OBI1: variants seen among roughly 807,000 people sequenced by gnomAD.
OBI1 encodes the protein ORC ubiquitin ligase 1.
Under a neutral mutation model 62.4 loss-of-function variants are expected in OBI1, and 59 were observed. The observed-to-expected ratio is 0.95, with a 90% CI of 0.77 to 1.17. OBI1 has a LOEUF of 1.17. Among genes scored for constraint, OBI1 ranks in the 50% most tolerant of loss-of-function variants. The pLI is 0.00. For synonymous variants in OBI1, 302 were observed against 292.8 expected (o/e 1.03, Z -0.32); for missense variants, 875 against 830.9 (o/e 1.05, Z -0.65).
At chr13:78,634,238 T>C (rs1044478951) in intron 5 of OBI1, among the ~76,000 whole-genome samples, 1 of 152,110 alleles carries the variant, frequency 6.6e-6, no homozygotes, top group Non-Finnish European at 1.5e-5. Flanking sequence ...GGCTTTTTTT[T>C]AGTGTAATGG....
At chr13:78,650,552 T>C (rs1426335293) in intron 1 of OBI1, among the ~76,000 whole-genome samples, 1 of 152,180 alleles carries the variant, frequency 6.6e-6, no homozygotes, top group Non-Finnish European at 1.5e-5. Flanking sequence ...GAGCTTAGGC[T>C]CTGACAGACA....
At chr13:78,644,778 G>A (rs1876331738) in intron 2 of OBI1, 84 bp downstream of exon 2, 2 of 1,422,482 alleles carry the variant, frequency 1.4e-6, no homozygotes, top group South Asian at 2.3e-5. Flanking sequence ...ACTGAAAATA[G>A]CCTATTTCAG....
chr13:78,620,156 C>T (rs1875461796), intron 5 of OBI1, among the ~76,000 whole-genome samples: 1 of 152,090 alleles, frequency 6.6e-6, no homozygotes, highest in Admixed American at 6.5e-5. Context: ...TCCAAGATAA[C>T]TATATTAAAT....
chr13:78,641,524 ATTCT>A (rs1876215627), intron 3 of OBI1, among the ~76,000 whole-genome samples: 5 of 152,208 alleles, frequency 3.3e-5, no homozygotes, highest in African/African-American at 1.2e-4. Context: ...AAGTGTATGT[ATTCT>A]ATTAGCATGA....
At chr13:78,618,191 A>C (rs1429086574) in intron 5 of OBI1, among the ~76,000 whole-genome samples, 1 of 152,108 alleles carries the variant, frequency 6.6e-6, no homozygotes, top group African/African-American at 2.4e-5. Context: ...TCTCCTCCAA[A>C]ATTCTTTTCA....
chr13:78,629,677 A>G (rs544498728), intron 5 of OBI1, among the ~76,000 whole-genome samples: 1 of 152,248 alleles, frequency 6.6e-6, no homozygotes, highest in East Asian at 1.9e-4. Context: ...ATTTAGGAAT[A>G]TGAGAAATCC....
intron 1 of OBI1, among the ~76,000 whole-genome samples, chr13:78,649,626 G>C (rs1876490220): frequency 6.6e-6 from 1 of 152,204 alleles, no homozygotes; most frequent in African/African-American, 2.4e-5. Context: ...CGACGGTTAG[G>C]AATACCAATG....
At chr13:78,622,752 G>A (rs1203024660) in intron 5 of OBI1, among the ~76,000 whole-genome samples, 1 of 152,116 alleles carries the variant, frequency 6.6e-6, no homozygotes, top group Non-Finnish European at 1.5e-5. Context: ...CTTAACAGGA[G>A]CTCTATAGAA....
At chr13:78,641,797 C>T (rs567525823) in intron 3 of OBI1, among the ~76,000 whole-genome samples, 1 of 133,920 alleles carries the variant, frequency 7.5e-6, no homozygotes, top group African/African-American at 2.8e-5. Flanking sequence ...GAAGCAAATA[C>T]AAAATGATAT....
chr13:78,632,547 C>T (rs996821618), intron 5 of OBI1, among the ~76,000 whole-genome samples: 8 of 151,982 alleles, frequency 5.3e-5, no homozygotes, highest in Non-Finnish European at 7.4e-5. Flanking sequence ...CTAACCAAGC[C>T]GAAAAGAGAA....
intron 1 of OBI1, among the ~76,000 whole-genome samples, chr13:78,648,751 T>C (rs1225249348): frequency 6.6e-6 from 1 of 151,976 alleles, no homozygotes; most frequent in Non-Finnish European, 1.5e-5. Flanking sequence ...CCATCTCTAC[T>C]AAAAATACAA....
In OBI1 at chr13:78,615,767, T is replaced by C. The variant is rs758938602; in HGVS notation, c.1994A>G (p.Asp665Gly). The C allele has an allele frequency of 4.3e-6, 7 of 1,613,808 alleles. No individual in the cohort carries two copies. Among genetic ancestry groups the C allele is most frequent in the Non-Finnish European group, 2.5e-6 (3 of 1,179,978 alleles). ...AAACAAAGATGACCCAAATCTTTGA[T>C]CTTCAAATAGTCGATGTGAACTGCT... ...LLSSSHRLFE[D>G]QRFGSSLFKM... The change falls in exon 6 of 6, where the codon GAT becomes GGT. Residue 665 changes from aspartate to glycine, a missense_variant. Transcript: ENST00000282003.
chr13:78,640,637 A>T (rs533676233), intron 3 of OBI1, among the ~76,000 whole-genome samples: 1 of 152,000 alleles, frequency 6.6e-6, no homozygotes, highest in African/African-American at 2.4e-5. Context: ...CGCCTCTACT[A>T]AAAATACAAA....
At chr13:78,625,671 A>C (rs1379764546) in intron 5 of OBI1, among the ~76,000 whole-genome samples, 1 of 152,206 alleles carries the variant, frequency 6.6e-6, no homozygotes, top group African/African-American at 2.4e-5. Flanking sequence ...TCCCCAATTA[A>C]GTGAATATCC....
chr13:78,657,002 C>A (rs1343364236), intron 1 of OBI1, among the ~76,000 whole-genome samples: 1 of 151,794 alleles, frequency 6.6e-6, no homozygotes, highest in East Asian at 1.9e-4. Flanking sequence ...CCATGCTGGT[C>A]TCAAACTCCT....
At chr13:78,638,528 G>A (rs1013898322) in intron 4 of OBI1, among the ~76,000 whole-genome samples, 3 of 152,150 alleles carry the variant, frequency 2.0e-5, no homozygotes, top group Non-Finnish European at 4.4e-5. Context: ...CAAAGAGGAC[G>A]AAACAGAAAC....
intron 1 of OBI1, among the ~76,000 whole-genome samples, chr13:78,646,755 G>A (rs1415929689): frequency 6.6e-6 from 1 of 152,026 alleles, no homozygotes; most frequent in Non-Finnish European, 1.5e-5. Context: ...AATTTAAAAG[G>A]GGCCCCCACC....
intron 1 of OBI1, among the ~76,000 whole-genome samples, chr13:78,658,705 G>A (rs993727348): frequency 6.6e-6 from 1 of 152,212 alleles, no homozygotes; most frequent in Non-Finnish European, 1.5e-5. Flanking sequence ...CGAGGCTGCA[G>A]AGGGAAGTTA....
In OBI1 at chr13:78,617,092, C is replaced by G. The variant is rs757744372; in HGVS notation, c.669G>C (p.Gln223His). The change falls in exon 6 of 6, where the codon CAG (glutamine) becomes CAC (histidine). Residue 223 changes from glutamine (Q) to histidine (H), a missense_variant. Coordinates refer to ENST00000282003, the MANE Select transcript of OBI1 (RefSeq NM_024546.4). The part of the protein sequence containing the change: ...KFGRFAVAAL[Q>H]SKVEQYERET... ...CACGCTCATACTGTTCTACTTTGGA[C>G]TGAAGAGCAGCAACTGCAAACCTTC... The G allele has an allele frequency of 2.5e-6, 4 of 1,573,260 alleles. No individual in the cohort carries two copies. Among genetic ancestry groups the G allele is most frequent in the South Asian group, 1.2e-5 (1 of 84,216 alleles).
Sources: gnomAD v4.1 joint callset for allele counts (sites outside exome capture counted in the v4.1 genomes callset) on GRCh38, gnomAD v4.1.1 for gene constraint, MANE v1.5 for transcripts, NCBI Gene and HGNC (gene_info 2026-07-23, HGNC 2026-07-21) for gene names.